UCP2: variants seen among roughly 807,000 people sequenced by gnomAD.
UCP2 encodes uncoupling protein 2.
A neutral mutation model predicts 31.3 loss-of-function variants in UCP2; 27 were observed. That is an observed-to-expected ratio of 0.86 (90% confidence interval 0.64 to 1.19). The LOEUF (loss-of-function observed/expected upper bound fraction) is 1.19. Ranked by LOEUF, UCP2 falls within the 50% of genes most tolerant of loss-of-function variation. The pLI, the probability that UCP2 is intolerant of heterozygous loss-of-function variation, is 0.00. For missense variants in UCP2, 377 were observed against 413.5 expected, an observed-to-expected ratio of 0.91 and a Z score of 0.76; for synonymous variants, 142 against 157.4, an observed-to-expected ratio of 0.90 and a Z score of 0.73.
In UCP2 at chr11:73,975,581, T is replaced by G; in HGVS notation, c.725A>C (p.Tyr242Ser). 1 of 1,614,172 alleles carries G rather than the reference T, an allele frequency of 6.2e-7. No homozygotes were observed. The highest frequency in any genetic ancestry group is 8.5e-7 in the Non-Finnish European group (1 of 1,180,036). The change falls in exon 7 of 8, where the codon TAC becomes TCC. Residue 242 changes from tyrosine (Y) to serine (S), a missense_variant. Transcript: ENST00000663595. ...ASPVDVVKTR[Y>S]MNSALGQYSS... is the part of the protein sequence containing the mutation. ...GTACTGGCCCAGGGCAGAGTTCATG[T>G]ATCTCGTCTTGACCACGTCTACAGG...
chr11:73,975,200 C>T, intron 7 of UCP2, 79 bp from the exon 8 acceptor site: 1 of 1,329,148 alleles, frequency 7.5e-7, no homozygotes, highest in Non-Finnish European at 1.1e-6. Flanking sequence ...CAATCCAACC[C>T]AGTTGCTCTG....
chr11:73,977,147 T>C (rs1951363630), intron 4 of UCP2, 130 bp from the exon 5 acceptor site: 1 of 931,418 alleles, frequency 1.1e-6, no homozygotes, highest in African/African-American at 1.7e-5. Flanking sequence ...CTTTTGGCCT[T>C]CTACAAGCTC....
intron 7 of UCP2, 113 bp downstream of exon 7, chr11:73,975,378 G>C: frequency 7.7e-7 from 1 of 1,290,484 alleles, no homozygotes; most frequent in Non-Finnish European, 1.1e-6. Flanking sequence ...CCAGGACCAG[G>C]ATCAGAAATA....
At position 73,975,339 on chromosome 11, in the gene UCP2, TA is replaced by T. The variant is rs926184298; in HGVS notation, c.815+151del. On this transcript the variant is annotated intron_variant, in intron 7 of 7. Transcript: ENST00000663595. The stretch of plus-strand genomic sequence containing the variant: ...GGTAGCAATTCTGGGAGGAAGGAAT[TA>T]AGGGGATAGGTGAATGCTGGTGAAA... 8.6e-5 allele frequency: 89 copies of T among 1,029,020 alleles called. No individual in the cohort carries two copies. The African/African-American group carries it at 1.4e-3, about 16-fold the overall frequency. 63.7% of individuals were successfully genotyped at this position (1,029,020 alleles called of 1,614,324 possible).
At chr11:73,982,096 T>C (rs781064489) in intron 1 of UCP2, among the ~76,000 whole-genome samples, 2 of 152,262 alleles carry the variant, frequency 1.3e-5, no homozygotes, top group Non-Finnish European at 2.9e-5. Context: ...GCAGGAACAC[T>C]GCCTGGAGCT....
intron 2 of UCP2, 112 bp from the exon 3 acceptor site, chr11:73,978,589 A>G (rs1325283369): frequency 7.6e-6 from 5 of 658,874 alleles, no homozygotes; most frequent in Non-Finnish European, 1.3e-5. Context: ...CAAGACTCCA[A>G]GTGGCCTCAT....
upstream of UCP2, chr11:73,982,896 G>C (rs1488191003): frequency 6.6e-6 from 1 of 152,464 alleles, no homozygotes; most frequent in Non-Finnish European, 1.5e-5. Context: ...GGGGCCCGGG[G>C]TGGGGCCTGC....
At chr11:73,977,100 A>G (rs1404966681) in intron 4 of UCP2, 83 bp from the exon 5 acceptor site, 1 of 1,415,078 alleles carries the variant, frequency 7.1e-7, no homozygotes, top group Non-Finnish European at 9.5e-7. Flanking sequence ...CCACCCTGTC[A>G]CTGTCATCTC....
chr11:73,978,349 G>A lies in UCP2; in HGVS notation c.30C>T (p.Pro10=). The A allele has an allele frequency of 6.2e-7, 1 of 1,614,166 alleles. No individual in the cohort carries two copies. The highest frequency in any genetic ancestry group is 8.5e-7 in the Non-Finnish European group (1 of 1,180,040). MVGFKATDV[P]PTATVKFLGA... ...CAAGAAACTTCACAGTGGCAGTAGG[G>A]GGCACATCTGTGGCCTTGAACCCAA... The change falls in exon 3 of 8, where the codon CCC becomes CCT. Residue 10 remains proline (P), a synonymous_variant. Transcript: ENST00000663595.
chr11:73,978,779 T>C (rs1951404473), intron 2 of UCP2: 1 of 324,662 alleles, frequency 3.1e-6, no homozygotes, highest in East Asian at 8.2e-5. Context: ...GTCTGCTGTA[T>C]GCAGAGATTT....
At position 73,976,944 on chromosome 11, in the gene UCP2, C is replaced by T. The variant is rs771683221; in HGVS notation, c.411G>A (p.Thr137=). The T allele has an allele frequency of 2.4e-5, 38 of 1,611,848 alleles. No homozygotes were observed. The highest frequency in any genetic ancestry group is 4.0e-5 in the African/African-American group (3 of 74,890). The change falls in exon 5 of 8, where the codon ACG becomes ACA. Residue 137 remains threonine, a synonymous_variant. Transcript: ENST00000663595. ...CTTGGAATCGGACCTTTACCACATC[C>T]GTGGGCTGGGCCACAGCCACAGCCA... is the stretch of plus-strand genomic sequence containing the variant. ...GALAVAVAQP[T]DVVKVRFQAQ...
chr11:73,980,367 G>A (rs146240218), intron 2 of UCP2, among the ~76,000 whole-genome samples: 181 of 152,236 alleles, frequency 1.2e-3, no homozygotes, highest in African/African-American at 3.9e-3. Flanking sequence ...GGGCAAGCAG[G>A]GAAATGAAGA....
chr11:73,978,457 A>G lies in UCP2; in HGVS notation c.-79T>C, dbSNP rs1049242003. 7 of 1,594,060 alleles carry G rather than the reference A, an allele frequency of 4.4e-6. No individual in the cohort carries two copies. The African/African-American group carries it at 9.4e-5, about 21-fold the overall frequency. On this transcript the variant is annotated 5_prime_UTR_variant, in exon 3 of 8. Transcript: ENST00000663595. ...CACCTTTAATCAGCAACAAGACGAG[A>G]TAGAGGAACTCTGCCGGAATCTAAG...
chr11:73,977,225 G>C (rs985491710), intron 4 of UCP2, among the ~76,000 whole-genome samples: 1 of 152,228 alleles, frequency 6.6e-6, no homozygotes, highest in Non-Finnish European at 1.5e-5. Context: ...TAGGGACATA[G>C]CAAGGGCTAA....
intron 2 of UCP2, chr11:73,978,781 CA>C (rs1469561983): frequency 3.1e-6 from 1 of 322,722 alleles, no homozygotes; most frequent in East Asian, 8.2e-5. Flanking sequence ...CTGCTGTATG[CA>C]GAGATTTCAC....
intron 6 of UCP2, among the ~76,000 whole-genome samples, chr11:73,976,230 G>A (rs1237042024): frequency 2.0e-5 from 3 of 152,104 alleles, no homozygotes; most frequent in Non-Finnish European, 2.9e-5. Context: ...CCAGTGTGCT[G>A]GTGCACACCT....
Position 73,976,973 on chromosome 11 carries a change from C to T in UCP2, c.382G>A (p.Ala128Thr), listed in dbSNP as rs774701085. Residue 128 changes from alanine (A) to threonine (T), a missense_variant, in exon 5 of 8, where the codon GCC (alanine) becomes ACC (threonine). By Grantham distance (58) the Ala-to-Thr change is moderately conservative. Transcript: ENST00000663595. The stretch of plus-strand genomic sequence containing the variant: ...GGCTGGGCCACAGCCACAGCCAGGG[C>T]ACCTGTGGTGCTGCCTGCTAGGAGG... The part of the protein sequence containing the change: ...SRLLAGSTTG[A>T]LAVAVAQPTD... The T allele has an allele frequency of 1.1e-5, 17 of 1,606,678 alleles. No homozygotes were observed. In the Middle Eastern group the frequency reaches 1.2e-3, roughly 110 times the overall value.
rs1361495453 is a variant in UCP2 at position 73,976,903 on chromosome 11, C to G, written c.452G>C (p.Gly151Ala). ...KVRFQAQARA[G>A]GGRRYQSTVN... is the part of the protein sequence containing the mutation. ...GGTGCTTTGGTATCTCCGACCACCT[C>G]CAGCCCGGGCCTGAGCTTGGAATCG... Residue 151 changes from glycine to alanine, a missense_variant, in exon 5 of 8, where the codon GGA becomes GCA. Gly to Ala is a moderately conservative substitution (Grantham distance 60). Coordinates refer to ENST00000663595, the MANE Select transcript of UCP2 (RefSeq NM_003355.3). The G allele has an allele frequency of 1.1e-5, 17 of 1,614,044 alleles. No individual in the cohort carries two copies. In the East Asian group the frequency reaches 3.8e-4, roughly 36 times the overall value.
In UCP2 at chr11:73,977,170, C is replaced by A. The variant is rs535319664; in HGVS notation, c.338-153G>T. On this transcript the variant is annotated intron_variant, in intron 4 of 7. Coordinates refer to ENST00000663595, the MANE Select transcript of UCP2 (RefSeq NM_003355.3). ...CTTCTACAAGCTCTTGCTGTAAGAA[C>A]TCCTCACATCAAACAAAATATCCCT... 5.5e-6 allele frequency: 4 copies of A among 728,812 alleles called. No individual in the cohort carries two copies. The South Asian group carries it at 6.0e-5, about 11-fold the overall frequency. The allele number at this position is 728,812 out of a possible 1,614,324, so 45.1% of individuals were successfully genotyped here. A position where few individuals can be genotyped will look rare whatever the true frequency, so the allele number is the denominator to read the frequency against.
Sources: allele counts gnomAD v4.1 joint callset (sites outside exome capture counted in the v4.1 genomes callset), GRCh38; gene constraint gnomAD v4.1.1; transcripts MANE v1.5; gene names NCBI Gene and HGNC (gene_info 2026-07-23, HGNC 2026-07-21).